The following SIPA1L1 variants were observed in gnomAD, a reference collection of about 807,000 sequenced individuals.
SIPA1L1 encodes the protein signal-induced proliferation-associated 1-like protein 1.
Under a neutral mutation model 162.7 loss-of-function variants are expected in SIPA1L1, and 26 were observed. That is an observed-to-expected ratio of 0.16 (90% CI 0.12 to 0.22). The LOEUF (loss-of-function observed/expected upper bound fraction) is 0.22, where lower values mean the gene tolerates loss of function less well. Among genes scored for constraint, SIPA1L1 ranks in the 10% least tolerant of loss-of-function variants. The pLI is 1.00. For missense variants in SIPA1L1, 1,874 were observed against 2,241.0 expected (o/e 0.84, Z 3.31); for synonymous variants, 829 against 837.4 (o/e 0.99, Z 0.17).
chr14:71,507,545 A>C (rs914211881), intron 2 of SIPA1L1, among the ~76,000 whole-genome samples: 2 of 152,104 alleles, frequency 1.3e-5, no homozygotes, highest in Admixed American at 1.3e-4. Flanking sequence ...CTATGGCTGG[A>C]GTGTCACAAC....
chr14:71,737,859 G>T (rs2152876857), intron 22 of SIPA1L1, among the ~76,000 whole-genome samples: 1 of 152,144 alleles, frequency 6.6e-6, no homozygotes, highest in East Asian at 1.9e-4. Flanking sequence ...TAACTCCTCT[G>T]TCAAAGCCCA....
chr14:71,738,345 G>A lies in SIPA1L1; in HGVS notation c.5208+20G>A. On this transcript the variant is annotated intron_variant, in intron 23 of 23. Coordinates refer to ENST00000381232, the MANE Select transcript of SIPA1L1 (RefSeq NM_001386936.1). Reference sequence around the variant, plus strand: ...AAGAAGGTAAACATGTATTCTCAAAGCAAATTGTCCAGTCTGTACAAACTA... The same window carrying A: ...AAGAAGGTAAACATGTATTCTCAAAACAAATTGTCCAGTCTGTACAAACTA... 2 of 1,559,270 alleles carry A rather than the reference G, an allele frequency of 1.3e-6. No individual in the cohort carries two copies. Among genetic ancestry groups the A allele is most frequent in the Non-Finnish European group, 1.8e-6 (2 of 1,130,508 alleles).
chr14:71,584,347 T>C (rs1225384361), intron 4 of SIPA1L1, among the ~76,000 whole-genome samples: 1 of 152,350 alleles, frequency 6.6e-6, no homozygotes, highest in East Asian at 1.9e-4. Flanking sequence ...GGACTTGATA[T>C]TCTAAATGGC....
intron 4 of SIPA1L1, among the ~76,000 whole-genome samples, chr14:71,553,587 G>A (rs545218735): frequency 3.9e-5 from 6 of 152,316 alleles, no homozygotes; most frequent in South Asian, 2.1e-4. Flanking sequence ...CTTAGGAAAT[G>A]CTAACAGTAT....
intron 3 of SIPA1L1, among the ~76,000 whole-genome samples, chr14:71,523,231 A>G (rs1405499079): frequency 5.9e-5 from 9 of 151,830 alleles, no homozygotes; most frequent in Admixed American, 1.3e-4. Context: ...ATATGCATAT[A>G]TGTTTTTTTT....
At chr14:71,592,526 C>G (rs2035531804) in intron 5 of SIPA1L1, among the ~76,000 whole-genome samples, 1 of 151,972 alleles carries the variant, frequency 6.6e-6, no homozygotes, top group Non-Finnish European at 1.5e-5. Flanking sequence ...CCTCTAGCAC[C>G]AAGGTGTGGC....
At chr14:71,460,059 C>G (rs1403276065) in intron 2 of SIPA1L1, among the ~76,000 whole-genome samples, 1 of 152,080 alleles carries the variant, frequency 6.6e-6, no homozygotes, top group Non-Finnish European at 1.5e-5. Flanking sequence ...GTCAATAAAT[C>G]TTATGTCTCA....
intron 8 of SIPA1L1, among the ~76,000 whole-genome samples, chr14:71,651,581 T>G (rs549888233): frequency 2.0e-5 from 3 of 152,218 alleles, no homozygotes; most frequent in Non-Finnish European, 2.9e-5. Flanking sequence ...CCTTAAACTC[T>G]TTTTATCCAG....
At chr14:71,622,515 C>G (rs2039554641) in intron 6 of SIPA1L1, among the ~76,000 whole-genome samples, 1 of 152,180 alleles carries the variant, frequency 6.6e-6, no homozygotes, top group African/African-American at 2.4e-5. Flanking sequence ...GAGAACACCC[C>G]TAGCCTTTGT....
chr14:71,474,314 G>A (rs546531493), intron 2 of SIPA1L1, among the ~76,000 whole-genome samples: 2 of 152,296 alleles, frequency 1.3e-5, no homozygotes, highest in South Asian at 4.1e-4. Context: ...GAATTGTCAG[G>A]CACTTACAAA....
chr14:71,650,616 T>G, intron 8 of SIPA1L1, 107 bp downstream of exon 8: 1 of 1,030,322 alleles, frequency 9.7e-7, no homozygotes, highest in South Asian at 1.5e-5. Flanking sequence ...CGCAGAACAC[T>G]GCTGGTGATG....
At chr14:71,419,297 G>A (rs2043009647) in intron 2 of SIPA1L1, among the ~76,000 whole-genome samples, 1 of 151,170 alleles carries the variant, frequency 6.6e-6, no homozygotes, top group South Asian at 2.1e-4. Flanking sequence ...CTACCGACCA[G>A]TGTTTTTTTC....
At chr14:71,335,189 A>G (rs1476671803) in intron 2 of SIPA1L1, among the ~76,000 whole-genome samples, 2 of 152,148 alleles carry the variant, frequency 1.3e-5, no homozygotes, top group Non-Finnish European at 2.9e-5. Flanking sequence ...AGTTCCAGCT[A>G]CTTGGCAGGC....
At chr14:71,417,119 A>G (rs2042826994) in intron 2 of SIPA1L1, among the ~76,000 whole-genome samples, 1 of 152,128 alleles carries the variant, frequency 6.6e-6, no homozygotes, top group Non-Finnish European at 1.5e-5. Context: ...AGCCTTACCA[A>G]TAACATGAAC....
At chr14:71,348,879 A>G (rs1167690605) in intron 2 of SIPA1L1, among the ~76,000 whole-genome samples, 2 of 152,238 alleles carry the variant, frequency 1.3e-5, no homozygotes, top group Non-Finnish European at 2.9e-5. Context: ...CCAGGCTGAA[A>G]TGGATTCTTC....
chr14:71,391,728 A>AGG (rs1188356811), intron 2 of SIPA1L1, among the ~76,000 whole-genome samples: 7 of 152,188 alleles, frequency 4.6e-5, no homozygotes, highest in Admixed American at 2.6e-4. Flanking sequence ...AGTACATTCT[A>AGG]AAGAGTGACT....
chr14:71,322,064 C>G (rs1594796556), intron 2 of SIPA1L1, among the ~76,000 whole-genome samples: 1 of 152,266 alleles, frequency 6.6e-6, no homozygotes, highest in African/African-American at 2.4e-5. Context: ...ACCTGTGAAA[C>G]GATCATGTTT....
chr14:71,660,092 C>G (rs1244278722), intron 9 of SIPA1L1, among the ~76,000 whole-genome samples: 1 of 151,832 alleles, frequency 6.6e-6, no homozygotes, highest in African/African-American at 2.4e-5. Context: ...ATATGTCAAG[C>G]CATATTTTGA....
At chr14:71,478,471 C>T (rs564386815) in intron 2 of SIPA1L1, among the ~76,000 whole-genome samples, 3 of 152,024 alleles carry the variant, frequency 2.0e-5, no homozygotes, top group African/African-American at 7.2e-5. Context: ...TATGTTTTCT[C>T]TTAAAAGTTT....
Sources: allele counts gnomAD v4.1 joint callset (sites outside exome capture counted in the v4.1 genomes callset), GRCh38; gene constraint gnomAD v4.1.1; transcripts MANE v1.5; gene names NCBI Gene and HGNC (gene_info 2026-07-23, HGNC 2026-07-21).